The following ZDHHC14 variants were observed in gnomAD, a reference collection of about 807,000 sequenced individuals.
ZDHHC14 encodes palmitoyltransferase ZDHHC14.
A neutral mutation model predicts 47.7 loss-of-function variants in ZDHHC14; 16 were observed. That is an observed-to-expected ratio of 0.34 (90% CI 0.23 to 0.51). The LOEUF (loss-of-function observed/expected upper bound fraction) is 0.51. ZDHHC14 is among the 20% of genes least tolerant of loss of function. The pLI is 0.97. For missense variants in ZDHHC14, 515 were observed against 662.5 expected (o/e 0.78, Z 2.44); for synonymous variants, 293 against 278.9 (o/e 1.05, Z -0.50).
At chr6:157,592,900 C>A in intron 2 of ZDHHC14, 88 bp from the exon 3 acceptor site, 1 of 1,511,602 alleles carries the variant, frequency 6.6e-7, no homozygotes, top group Non-Finnish European at 8.8e-7. Flanking sequence ...TGCCTGCTGC[C>A]CTGGAGCTTA....
chr6:157,393,884 C>T (rs1173342261), intron 1 of ZDHHC14, among the ~76,000 whole-genome samples: 2 of 152,174 alleles, frequency 1.3e-5, no homozygotes, highest in Admixed American at 6.5e-5. Flanking sequence ...AGCAAGATTG[C>T]ACGGTCATGG....
intron 1 of ZDHHC14, among the ~76,000 whole-genome samples, chr6:157,519,665 G>A (rs1008662923): frequency 6.6e-6 from 1 of 152,192 alleles, no homozygotes; most frequent in Non-Finnish European, 1.5e-5. Context: ...TCTTAGCCCG[G>A]CCCCTCAAGA....
chr6:157,426,789 C>A (rs1309176525), intron 1 of ZDHHC14, among the ~76,000 whole-genome samples: 1 of 152,192 alleles, frequency 6.6e-6, no homozygotes, highest in Non-Finnish European at 1.5e-5. Flanking sequence ...TGAGGTTCTA[C>A]AGAGCTCAGG....
chr6:157,571,308 G>A (rs1221863388), intron 2 of ZDHHC14, among the ~76,000 whole-genome samples: 1 of 152,190 alleles, frequency 6.6e-6, no homozygotes. Flanking sequence ...TGTCTGTCAT[G>A]ATGTTTTTCA....
At chr6:157,585,383 GTT>G (rs1562492816) in intron 2 of ZDHHC14, among the ~76,000 whole-genome samples, 2 of 142,444 alleles carry the variant, frequency 1.4e-5, no homozygotes, top group Admixed American at 1.5e-4. Context: ...AGGCACAACT[GTT>G]ACCAACAACC....
chr6:157,466,636 G>A (rs932703778), intron 1 of ZDHHC14, among the ~76,000 whole-genome samples: 11 of 152,072 alleles, frequency 7.2e-5, no homozygotes, highest in Non-Finnish European at 1.3e-4. Flanking sequence ...CCAGGAGTTC[G>A]ACACTAGCCT....
intron 1 of ZDHHC14, among the ~76,000 whole-genome samples, chr6:157,483,787 G>T (rs1020955490): frequency 3.9e-5 from 6 of 152,136 alleles, no homozygotes; most frequent in Non-Finnish European, 8.8e-5. Context: ...GAGGAAGCCA[G>T]ACTTCTCTGT....
At chr6:157,668,133 C>T (rs1778632634) in intron 8 of ZDHHC14, among the ~76,000 whole-genome samples, 1 of 152,212 alleles carries the variant, frequency 6.6e-6, no homozygotes, top group Non-Finnish European at 1.5e-5. Flanking sequence ...ACTTAGGTGC[C>T]TGATGCCAGT....
At chr6:157,567,335 A>G (rs768957339) in intron 2 of ZDHHC14, among the ~76,000 whole-genome samples, 1 of 152,122 alleles carries the variant, frequency 6.6e-6, no homozygotes, top group Non-Finnish European at 1.5e-5. Flanking sequence ...CTGAGCCTAG[A>G]GCTCAATCTG....
At chr6:157,542,531 CA>C in intron 1 of ZDHHC14, 53 bp from the exon 2 acceptor site, 1 of 1,579,466 alleles carries the variant, frequency 6.3e-7, no homozygotes, top group Non-Finnish European at 8.6e-7. Flanking sequence ...TGATTCCTAA[CA>C]TTGTATTTCC....
chr6:157,436,829 T>A (rs1583643467), intron 1 of ZDHHC14, among the ~76,000 whole-genome samples: 1 of 152,048 alleles, frequency 6.6e-6, no homozygotes, highest in East Asian at 1.9e-4. Flanking sequence ...TTTCCAGATG[T>A]GGAAGGAGGC....
intron 8 of ZDHHC14, among the ~76,000 whole-genome samples, chr6:157,661,888 A>G (rs181905351): frequency 6.6e-6 from 1 of 152,098 alleles, no homozygotes; most frequent in East Asian, 1.9e-4. Flanking sequence ...CAGTGGTGCA[A>G]TCTTAGCTCA....
intron 1 of ZDHHC14, among the ~76,000 whole-genome samples, chr6:157,465,105 CTTTTTTTT>C (rs772080368): frequency 1.4e-4 from 14 of 102,010 alleles, no homozygotes; most frequent in African/African-American, 4.7e-4. Flanking sequence ...TCTCTTTCTC[CTTTTTTTT>C]TTTTTTTTTT....
intron 1 of ZDHHC14, among the ~76,000 whole-genome samples, chr6:157,458,849 A>ATTTTTTTTTTGTTTTTTTTTTTTTTTTT (rs1778992571): frequency 1.2e-5 from 1 of 81,228 alleles, no homozygotes; most frequent in Non-Finnish European, 2.3e-5. Context: ...ATGTGGGTGG[A>ATTTTTTTTTTGTTTTTTTTTTTTTTTTT]TTTTTTTTTT....
chr6:157,492,515 C>T (rs940054712), intron 1 of ZDHHC14, among the ~76,000 whole-genome samples: 3 of 152,176 alleles, frequency 2.0e-5, no homozygotes, highest in African/African-American at 7.2e-5. Flanking sequence ...ATGATTCTGC[C>T]TTGGGGGCAG....
Position 157,593,046 on chromosome 6 carries a change from C to A in ZDHHC14, c.465C>A (p.Val155=). 1 of 1,614,198 alleles carries A rather than the reference C, an allele frequency of 6.2e-7. No homozygotes were observed. The highest frequency in any genetic ancestry group is 8.5e-7 in the Non-Finnish European group (1 of 1,180,026). ...GCCCGCCTCCCAGAACCAAAGAAGT[C>A]ATCATCAATGGCCAGACCGTGAAAC... ...GYRPPPRTKE[V]IINGQTVKLK... The change falls in exon 3 of 9, where the codon GTC becomes GTA. Residue 155 remains valine (V), a synonymous_variant. Coordinates refer to ENST00000359775, the MANE Select transcript of ZDHHC14 (RefSeq NM_024630.3).
chr6:157,606,251 G>C (rs1447085873), intron 3 of ZDHHC14, among the ~76,000 whole-genome samples: 1 of 152,062 alleles, frequency 6.6e-6, no homozygotes, highest in Admixed American at 6.6e-5. Flanking sequence ...GATCAGCTGA[G>C]GTCAGGAGTT....
intron 1 of ZDHHC14, among the ~76,000 whole-genome samples, chr6:157,409,998 A>G (rs1020276920): frequency 2.0e-5 from 3 of 151,970 alleles, no homozygotes; most frequent in African/African-American, 7.2e-5. Flanking sequence ...CGCCCGGCTA[A>G]TTTTTGTGTT....
chr6:157,603,816 G>C (rs1784428601), intron 3 of ZDHHC14, among the ~76,000 whole-genome samples: 1 of 152,208 alleles, frequency 6.6e-6, no homozygotes, highest in South Asian at 2.1e-4. Flanking sequence ...CCATGGCCTA[G>C]AGCTGAGACA....
Sources: allele counts gnomAD v4.1 joint callset (sites outside exome capture counted in the v4.1 genomes callset), GRCh38; gene constraint gnomAD v4.1.1; transcripts MANE v1.5; gene names NCBI Gene and HGNC (gene_info 2026-07-23, HGNC 2026-07-21).